The following VGLL4 variants were observed in gnomAD, a reference collection of about 807,000 sequenced individuals.
VGLL4 encodes vestigial like family member 4.
VGLL4 carries 7 observed loss-of-function variants against 21.0 expected under a neutral mutation model. The ratio of observed to expected loss-of-function variants is 0.33; its 90% CI spans 0.19 to 0.63. The LOEUF (loss-of-function observed/expected upper bound fraction) is 0.63, where lower values mean the gene tolerates loss of function less well. VGLL4 is among the 20% of genes least tolerant of loss of function. VGLL4 has a pLI of 0.78. For synonymous variants in VGLL4, 222 were observed against 173.2 expected (o/e 1.28, Z -2.21); for missense variants, 394 against 425.7 (o/e 0.93, Z 0.66).
At chr3:11,643,394 CCGGGACGAGCAA>C (rs750977665) in intron 1 of VGLL4, 31 bp downstream of exon 1, 1 of 1,613,724 alleles carries the variant, frequency 6.2e-7, no homozygotes, top group Non-Finnish European at 8.5e-7. Context: ...GGAGGAGTGG[CCGGGACGAGCAA>C]CGGGCAGTAA....
chr3:11,615,907 T>C (rs566889393), intron 1 of VGLL4, among the ~76,000 whole-genome samples: 1 of 152,324 alleles, frequency 6.6e-6, no homozygotes, highest in East Asian at 1.9e-4. Flanking sequence ...GGGACCTGTA[T>C]GGTTCAGGCA....
intron 1 of VGLL4, among the ~76,000 whole-genome samples, chr3:11,619,160 G>A (rs1295524692): frequency 6.6e-6 from 1 of 152,184 alleles, no homozygotes; most frequent in African/African-American, 2.4e-5. Context: ...GAAGATGAAA[G>A]GCTTGCCCTG....
At chr3:11,715,465 T>C (rs1263160760) in intron 1 of VGLL4, among the ~76,000 whole-genome samples, 4 of 152,034 alleles carry the variant, frequency 2.6e-5, no homozygotes, top group Admixed American at 6.6e-5. Context: ...TCCCTAGTAG[T>C]TGGGATCACA....
intron 3 of VGLL4, among the ~76,000 whole-genome samples, chr3:11,562,554 G>A (rs559734949): frequency 1.3e-5 from 2 of 152,342 alleles, no homozygotes; most frequent in South Asian, 2.1e-4. Context: ...TCCAGGAAGA[G>A]ACCTCGGAGC....
chr3:11,567,239 G>T (rs983293717), intron 2 of VGLL4, among the ~76,000 whole-genome samples: 1 of 152,116 alleles, frequency 6.6e-6, no homozygotes, highest in Non-Finnish European at 1.5e-5. Context: ...TCTAAATGGG[G>T]GACAAACAGC....
intron 1 of VGLL4, among the ~76,000 whole-genome samples, chr3:11,629,798 G>T (rs962597377): frequency 6.6e-6 from 1 of 151,368 alleles, no homozygotes; most frequent in Non-Finnish European, 1.5e-5. Flanking sequence ...GAGTAGAAAG[G>T]GCATTCCAAA....
At chr3:11,677,527 G>C (rs1004600536) in intron 2 of VGLL4, among the ~76,000 whole-genome samples, 4 of 151,966 alleles carry the variant, frequency 2.6e-5, no homozygotes, top group Non-Finnish European at 5.9e-5. Context: ...CACCCACCTT[G>C]GCCTCCCGAA....
chr3:11,585,880 C>T (rs2074350579), intron 2 of VGLL4, among the ~76,000 whole-genome samples: 1 of 152,124 alleles, frequency 6.6e-6, no homozygotes, highest in Non-Finnish European at 1.5e-5. Flanking sequence ...TTATCATATA[C>T]AACGTCACCC....
chr3:11,590,564 GCA>G (rs2074464528), intron 2 of VGLL4, among the ~76,000 whole-genome samples: 1 of 152,216 alleles, frequency 6.6e-6, no homozygotes, highest in South Asian at 2.1e-4. Context: ...CCCTTGTCTG[GCA>G]CAGTTTCTAG....
intron 2 of VGLL4, among the ~76,000 whole-genome samples, chr3:11,665,528 G>A (rs1050733253): frequency 6.6e-6 from 1 of 152,210 alleles, no homozygotes; most frequent in Non-Finnish European, 1.5e-5. Context: ...GCCTGAGGCT[G>A]AGTGACTCCG....
Position 11,564,740 on chromosome 3 carries a change from C to T in VGLL4, c.495+57G>A, listed in dbSNP as rs780563849. On this transcript the variant is annotated intron_variant, in intron 3 of 4. Coordinates refer to ENST00000430365, the MANE Select transcript of VGLL4 (RefSeq NM_001128219.3). The stretch of plus-strand genomic sequence containing the variant: ...AGTCCTCTGCTCGGGGCTCTCCATC[C>T]AGCCCAGTCCCCCAGCCCCTGGACT... 62 of 1,526,004 alleles carry T rather than the reference C, an allele frequency of 4.1e-5. No homozygotes were observed. The South Asian group carries it at 6.7e-4, about 17-fold the overall frequency. The allele number at this position is 1,526,004 out of a possible 1,614,324, so 94.5% of individuals were successfully genotyped here. A position where few individuals can be genotyped will look rare whatever the true frequency, so the allele number is the denominator to read the frequency against.
chr3:11,665,417 A>T (rs2076106736), intron 2 of VGLL4, among the ~76,000 whole-genome samples: 1 of 152,094 alleles, frequency 6.6e-6, no homozygotes, highest in Non-Finnish European at 1.5e-5. Flanking sequence ...CCGGCCAAAC[A>T]TCTTAATCCA....
At chr3:11,624,143 AG>A (rs2075312583) in intron 1 of VGLL4, among the ~76,000 whole-genome samples, 1 of 152,206 alleles carries the variant, frequency 6.6e-6, no homozygotes, top group Non-Finnish European at 1.5e-5. Flanking sequence ...ATCACCTAAA[AG>A]ACTTATTTAA....
chr3:11,654,080 A>AC lies in VGLL4; in HGVS notation c.64+48890dup, dbSNP rs35364570. On this transcript the variant is annotated intron_variant, in intron 2 of 5. Coordinates refer to the VGLL4 transcript ENST00000273038. ...CCAAACATCCTACAATGCATAGGAC[A>AC]CCCCCCACCACCACCACCACAACAA... Among the ~76,000 whole-genome samples, 508 of 150,894 alleles carry AC rather than the reference A, an allele frequency of 3.4e-3. 2 individuals carry two copies. Among genetic ancestry groups the AC allele is most frequent in the African/African-American group, 0.011 (458 of 40,586 alleles).
At chr3:11,562,110 C>T (rs904811224) in intron 3 of VGLL4, among the ~76,000 whole-genome samples, 2 of 152,124 alleles carry the variant, frequency 1.3e-5, no homozygotes, top group Middle Eastern at 3.4e-3. Flanking sequence ...GTTGGCCAGG[C>T]TGGTCTCGAA....
intron 2 of VGLL4, among the ~76,000 whole-genome samples, chr3:11,665,619 G>A (rs1016299837): frequency 2.6e-5 from 4 of 152,252 alleles, no homozygotes; most frequent in African/African-American, 9.6e-5. Context: ...GCCAAGTCCT[G>A]ACCATGCCTG....
Position 11,708,079 on chromosome 3 carries a change from A to G in VGLL4, c.-13-5032T>C, listed in dbSNP as rs1007006941. ...TATGAATCCAGGTAAACCACTTCCA[A>G]TCTATGTAACCCTGGGAAATGACAA... On this transcript the variant is annotated intron_variant, in intron 1 of 5. Transcript: ENST00000273038. Among the ~76,000 whole-genome samples, 5 of 152,156 alleles carry G rather than the reference A, an allele frequency of 3.3e-5. No homozygotes were observed. In the East Asian group the frequency reaches 9.6e-4, roughly 29 times the overall value.
At position 11,630,577 on chromosome 3, in the gene VGLL4, C is replaced by T. The variant is rs576012347; in HGVS notation, c.82+12860G>A. 5.9e-5 allele frequency among the ~76,000 whole-genome samples: 9 copies of T among 152,044 alleles called. No homozygotes were observed. The East Asian group carries it at 1.2e-3, about 20-fold the overall frequency. On this transcript the variant is annotated intron_variant, in intron 1 of 4. Coordinates refer to ENST00000430365, the MANE Select transcript of VGLL4 (RefSeq NM_001128219.3). Reference sequence around the variant, plus strand: ...AGGAGAATCACTTGAACCCAGGAGGCGGAGGTTGCAGTGAGCCAAGATCAC... The same window carrying T: ...AGGAGAATCACTTGAACCCAGGAGGTGGAGGTTGCAGTGAGCCAAGATCAC...
At chr3:11,589,122 A>G (rs1316334158) in intron 2 of VGLL4, among the ~76,000 whole-genome samples, 2 of 152,304 alleles carry the variant, frequency 1.3e-5, no homozygotes, top group Middle Eastern at 3.4e-3. Context: ...GAGGAAATCA[A>G]ATAAGACAAG....
Sources: gnomAD v4.1 joint callset for allele counts (sites outside exome capture counted in the v4.1 genomes callset) on GRCh38, gnomAD v4.1.1 for gene constraint, MANE v1.5 for transcripts, NCBI Gene and HGNC (gene_info 2026-07-23, HGNC 2026-07-21) for gene names.